Variants in EML4 observed in about 807,000 individuals in gnomAD.
EML4 encodes the protein EMAP like 4.
Under a neutral mutation model 129.0 loss-of-function variants are expected in EML4, and 72 were observed. The observed-to-expected ratio is 0.56, with a 90% confidence interval of 0.46 to 0.68. The LOEUF is 0.68. Among genes scored for constraint, EML4 ranks in the 30% least tolerant of loss-of-function variants. EML4 has a pLI of 0.00. For missense variants in EML4, 1,363 were observed against 1,190.6 expected (o/e 1.14, Z -2.13); for synonymous variants, 532 against 405.0 (o/e 1.31, Z -3.77).
At position 42,315,965 on chromosome 2, in the gene EML4, G is replaced by A. The variant is rs1423883451; in HGVS notation, c.1971G>A (p.Trp657Ter). ...TTTGATTTTTACTTCTTAACAGGTG[G>A]TTTGTTCTGGATGCAGAAACCAGAG... ...VVAIGTHSGRWFVLDAETRDL... is the reference protein window; with the variant it reads ...VVAIGTHSGR Residue 657 changes from tryptophan to a stop codon, truncating the protein, a stop_gained, in exon 18 of 23, where the codon TGG (tryptophan) becomes TGA (stop). Coordinates refer to ENST00000318522, the MANE Select transcript of EML4 (RefSeq NM_019063.5). LOFTEE classifies it high-confidence loss of function. The A allele has an allele frequency of 1.9e-6, 3 of 1,610,736 alleles. No homozygotes were observed. Among genetic ancestry groups the A allele is most frequent in the Non-Finnish European group, 2.5e-6 (3 of 1,177,910 alleles).
chr2:42,278,499 G>A (rs769285754), intron 6 of EML4, among the ~76,000 whole-genome samples: 5 of 145,894 alleles, frequency 3.4e-5, no homozygotes, highest in Middle Eastern at 3.7e-3. Flanking sequence ...ACTTAAACCC[G>A]GGTGGCGGAG....
intron 1 of EML4, among the ~76,000 whole-genome samples, chr2:42,182,248 G>A (rs1001236727): frequency 1.1e-4 from 16 of 150,502 alleles, no homozygotes; most frequent in Admixed American, 2.0e-4. Context: ...ATGCTGGTGC[G>A]CTGCACCCAC....
chr2:42,292,261 T>C (rs1376587632), intron 11 of EML4, among the ~76,000 whole-genome samples: 1 of 152,238 alleles, frequency 6.6e-6, no homozygotes, highest in Non-Finnish European at 1.5e-5. Context: ...GTCGAACATA[T>C]GCATGCTTTC....
intron 3 of EML4, among the ~76,000 whole-genome samples, chr2:42,258,149 G>C (rs1339746525): frequency 6.6e-6 from 1 of 152,112 alleles, no homozygotes; most frequent in Non-Finnish European, 1.5e-5. Flanking sequence ...GTTAGTTTAT[G>C]ATCCAGGGTC....
chr2:42,295,368 T>C lies in EML4; in HGVS notation c.1354-13T>C. The C allele has an allele frequency of 6.2e-7, 1 of 1,604,548 alleles. No homozygotes were observed. The highest frequency in any genetic ancestry group is 1.1e-5 in the South Asian group (1 of 88,486). On this transcript the variant is annotated splice_polypyrimidine_tract_variant and intron_variant, in intron 12 of 22. Transcript: ENST00000318522. ...CAAAAAGAAAACTGAAAATTTTTAT[T>C]GTTTCCTTGTAGAAATATGAAAAGC...
At position 42,330,358 on chromosome 2, in the gene EML4, C is replaced by G. The variant is rs563619888; in HGVS notation, c.*151C>G. 1 of 743,758 alleles carries G rather than the reference C, an allele frequency of 1.3e-6. No individual in the cohort carries two copies. Among genetic ancestry groups the G allele is most frequent in the Non-Finnish European group, 2.3e-6 (1 of 425,578 alleles). 46.1% of individuals were successfully genotyped at this position (743,758 alleles called of 1,614,324 possible). A position where few individuals can be genotyped will look rare whatever the true frequency, so the allele number is the denominator to read the frequency against. ...TTTCTTCAATAGTCTTATTTTCAGTCTCTCAAATACAGCCAACTTAAAGTT... is the reference window on the plus strand; with the variant it reads ...TTTCTTCAATAGTCTTATTTTCAGTGTCTCAAATACAGCCAACTTAAAGTT... On this transcript the variant is annotated 3_prime_UTR_variant, in exon 23 of 23. Coordinates refer to ENST00000318522, the MANE Select transcript of EML4 (RefSeq NM_019063.5).
In EML4 at chr2:42,192,227, T is replaced by G. The variant is rs571840157; in HGVS notation, c.25+22591T>G. On this transcript the variant is annotated intron_variant, in intron 1 of 22. Coordinates refer to ENST00000318522, the MANE Select transcript of EML4 (RefSeq NM_019063.5). ...TCTTTGCTGGTTTTTTTTTGTTGTT[T>G]TTTTGTTTTTTTTTTTGGGGGGGGG... Among the ~76,000 whole-genome samples the G allele has an allele frequency of 1.9e-3, 282 of 150,012 alleles. 1 individual carries two copies. The highest frequency in any genetic ancestry group is 6.5e-3 in the African/African-American group (260 of 40,062).
At chr2:42,193,177 C>G (rs2719134) in intron 1 of EML4, among the ~76,000 whole-genome samples, 43,015 of 152,058 alleles carry the variant, frequency 0.28, 6,650 homozygotes, top group East Asian at 0.56. Flanking sequence ...CTACAGTATT[C>G]AGTGCAGTAG....
intron 6 of EML4, among the ~76,000 whole-genome samples, chr2:42,271,240 T>A (rs1359186418): frequency 2.0e-5 from 3 of 152,212 alleles, no homozygotes. Context: ...TGTATAACCA[T>A]AACTTGGATC....
intron 2 of EML4, among the ~76,000 whole-genome samples, chr2:42,246,757 C>A (rs1417630125): frequency 6.6e-6 from 1 of 152,124 alleles, no homozygotes; most frequent in Non-Finnish European, 1.5e-5. Context: ...CAGCATAGTT[C>A]CACTGGGAGC....
At chr2:42,220,670 G>C (rs566756088) in intron 1 of EML4, among the ~76,000 whole-genome samples, 1 of 152,240 alleles carries the variant, frequency 6.6e-6, no homozygotes, top group East Asian at 1.9e-4. Flanking sequence ...TAAATCAAAA[G>C]CTAGAAATGA....
At chr2:42,253,252 A>G (rs1227010274) in intron 2 of EML4, among the ~76,000 whole-genome samples, 1 of 152,200 alleles carries the variant, frequency 6.6e-6, no homozygotes, top group Non-Finnish European at 1.5e-5. Context: ...CACCTTGTTA[A>G]GGAATTTAGT....
At chr2:42,312,821 G>A (rs1206932063) in intron 17 of EML4, among the ~76,000 whole-genome samples, 1 of 151,936 alleles carries the variant, frequency 6.6e-6, no homozygotes, top group Non-Finnish European at 1.5e-5. Flanking sequence ...TGAAAGTGCT[G>A]GGATTACAGG....
intron 1 of EML4, among the ~76,000 whole-genome samples, chr2:42,176,846 T>C (rs1670635043): frequency 6.6e-6 from 1 of 152,140 alleles, no homozygotes; most frequent in African/African-American, 2.4e-5. Flanking sequence ...CAGGCTGGAG[T>C]GCAGTGGTAT....
Position 42,329,849 on chromosome 2 carries a change from A to G in EML4, c.2588A>G (p.Lys863Arg). The part of the protein sequence containing the change: ...GGKDMSIIQW[K>R]LVEKLSLPQN... ...AAAGACATGAGCATCATTCAGTGGAAACTTGTGGAAAAGTTATCTTTGCCT... is the reference window on the plus strand; with the variant it reads ...AAAGACATGAGCATCATTCAGTGGAGACTTGTGGAAAAGTTATCTTTGCCT... The change falls in exon 23 of 23, where the codon AAA becomes AGA. Residue 863 changes from lysine (K) to arginine (R), a missense_variant. By Grantham distance (26) the Lys-to-Arg change is conservative (BLOSUM62 2). Coordinates refer to ENST00000318522, the MANE Select transcript of EML4 (RefSeq NM_019063.5). The G allele has an allele frequency of 6.2e-7, 1 of 1,614,152 alleles. No individual in the cohort carries two copies. The highest frequency in any genetic ancestry group is 8.5e-7 in the Non-Finnish European group (1 of 1,180,024).
intron 11 of EML4, among the ~76,000 whole-genome samples, chr2:42,293,345 C>G (rs574282736): frequency 6.6e-6 from 1 of 152,254 alleles, no homozygotes; most frequent in Non-Finnish European, 1.5e-5. Flanking sequence ...CAGCAGTCCT[C>G]CCACCTTGGC....
chr2:42,169,750 C>G, intron 1 of EML4, 114 bp downstream of exon 1: 1 of 1,247,360 alleles, frequency 8.0e-7, no homozygotes, highest in Non-Finnish European at 1.1e-6. Context: ...AGCGGCTCCA[C>G]TGCACATGTT....
At chr2:42,175,721 A>G (rs1395129447) in intron 1 of EML4, among the ~76,000 whole-genome samples, 1 of 152,014 alleles carries the variant, frequency 6.6e-6, no homozygotes, top group African/African-American at 2.4e-5. Flanking sequence ...CTGGTCTTGA[A>G]CTGCTGTCCT....
chr2:42,206,157 A>G (rs1672527018), intron 1 of EML4, among the ~76,000 whole-genome samples: 2 of 152,226 alleles, frequency 1.3e-5, no homozygotes, highest in Non-Finnish European at 2.9e-5. Flanking sequence ...TGTTCCATAT[A>G]GCATTCCCCC....
Sources: allele counts gnomAD v4.1 joint callset (sites outside exome capture counted in the v4.1 genomes callset), GRCh38; gene constraint gnomAD v4.1.1; transcripts MANE v1.5; gene names NCBI Gene and HGNC (gene_info 2026-07-23, HGNC 2026-07-21).